EGF: variants seen among roughly 807,000 people sequenced by gnomAD.
The protein encoded by EGF is epidermal growth factor, also known as pro-epidermal growth factor.
Under a neutral mutation model 143.8 loss-of-function variants are expected in EGF, and 95 were observed. That is an observed-to-expected ratio of 0.66 (90% confidence interval 0.56 to 0.78). The LOEUF is 0.78. Ranked by LOEUF, EGF falls within the 30% of genes least tolerant of loss-of-function variation. EGF has a pLI of 0.00. For synonymous variants in EGF, 510 were observed against 510.5 expected (o/e 1.00, Z 0.01); for missense variants, 1,320 against 1,470.9 (o/e 0.90, Z 1.68).
At chr4:110,007,796 A>T (rs773865148) in intron 22 of EGF, among the ~76,000 whole-genome samples, 10 of 152,150 alleles carry the variant, frequency 6.6e-5, no homozygotes, top group African/African-American at 1.2e-4. Flanking sequence ...CATATATTAG[A>T]TATTATTTGC....
At chr4:109,931,546 C>A (rs189736675) in intron 1 of EGF, among the ~76,000 whole-genome samples, 1 of 152,156 alleles carries the variant, frequency 6.6e-6, no homozygotes, top group East Asian at 1.9e-4. Flanking sequence ...CCAAGTCTAC[C>A]ACCTACTAGT....
chr4:109,944,151 A>G, intron 4 of EGF, 82 bp downstream of exon 4: 11 of 1,415,192 alleles, frequency 7.8e-6, no homozygotes, highest in Non-Finnish European at 1.1e-5. Flanking sequence ...TGTCAATGGA[A>G]CTGGTATAGT....
intron 5 of EGF, chr4:109,959,048 T>C: frequency 4.2e-6 from 2 of 474,376 alleles, no homozygotes; most frequent in South Asian, 2.2e-5. Context: ...TAATAAGTAG[T>C]GTTTAGTATT....
intron 15 of EGF, 22 bp downstream of exon 15, chr4:109,980,997 C>A (rs759627635): frequency 6.2e-7 from 1 of 1,613,938 alleles, no homozygotes; most frequent in Non-Finnish European, 8.5e-7. Context: ...AATTATGTGG[C>A]AAATTACCTA....
chr4:109,992,642 G>A (rs1002571475), intron 18 of EGF, among the ~76,000 whole-genome samples: 3 of 152,040 alleles, frequency 2.0e-5, no homozygotes, highest in Non-Finnish European at 4.4e-5. Flanking sequence ...AAAGACACAT[G>A]CACACGTATG....
chr4:110,000,428 CTCTT>C (rs1199222794), intron 21 of EGF, among the ~76,000 whole-genome samples: 1 of 152,064 alleles, frequency 6.6e-6, no homozygotes, highest in Non-Finnish European at 1.5e-5. Flanking sequence ...GCGTTCCACT[CTCTT>C]TGTTTAATAT....
chr4:109,988,986 A>C (rs11569052), intron 18 of EGF, among the ~76,000 whole-genome samples: 3 of 152,126 alleles, frequency 2.0e-5, no homozygotes, highest in Non-Finnish European at 1.5e-5. Flanking sequence ...TTTGAGTGAC[A>C]CCAGTGTCTC....
chr4:109,989,912 C>A (rs1287962063), intron 18 of EGF, among the ~76,000 whole-genome samples: 1 of 152,066 alleles, frequency 6.6e-6, no homozygotes, highest in Admixed American at 6.6e-5. Flanking sequence ...TCTCTCTCCC[C>A]CAGCTCACTC....
chr4:109,998,972 A>T (rs957692945), intron 20 of EGF, among the ~76,000 whole-genome samples: 1 of 152,216 alleles, frequency 6.6e-6, no homozygotes, highest in African/African-American at 2.4e-5. Flanking sequence ...AGATGGCAGC[A>T]TTGCTTCATT....
At chr4:109,941,305 T>G (rs1741887761) in intron 2 of EGF, among the ~76,000 whole-genome samples, 160 bp downstream of exon 2, 1 of 152,222 alleles carries the variant, frequency 6.6e-6, no homozygotes, top group Non-Finnish European at 1.5e-5. Flanking sequence ...GTGGTGTATA[T>G]TCTTGAATAA....
At chr4:109,951,677 A>G (rs1743952287) in intron 5 of EGF, among the ~76,000 whole-genome samples, 1 of 152,224 alleles carries the variant, frequency 6.6e-6, no homozygotes, top group Non-Finnish European at 1.5e-5. Context: ...GTGTAATATT[A>G]TAAATTAAAA....
chr4:109,964,878 A>G (rs1392946853), intron 10 of EGF, among the ~76,000 whole-genome samples: 1 of 152,074 alleles, frequency 6.6e-6, no homozygotes, highest in East Asian at 1.9e-4. Context: ...CAGGTTTTTT[A>G]TTACTTGCTG....
chr4:109,969,161 T>C (rs922273654), intron 11 of EGF, 42 bp downstream of exon 11: 2 of 1,611,534 alleles, frequency 1.2e-6, no homozygotes, highest in African/African-American at 2.7e-5. Context: ...GAGATGGGAG[T>C]GATGGGATAG....
intron 13 of EGF, chr4:109,977,563 G>T (rs1317687446): frequency 6.6e-6 from 1 of 152,130 alleles, no homozygotes; most frequent in Non-Finnish European, 1.5e-5. Context: ...TCCAGGCTGG[G>T]CATGGTGGCT....
intron 1 of EGF, among the ~76,000 whole-genome samples, chr4:109,918,703 C>T (rs942987529): frequency 3.9e-5 from 6 of 152,112 alleles, no homozygotes; most frequent in African/African-American, 1.2e-4. Flanking sequence ...CTTGAAAGAA[C>T]GAGGAAACAA....
chr4:109,984,213 T>A (rs1460982008), intron 16 of EGF, among the ~76,000 whole-genome samples: 4 of 151,868 alleles, frequency 2.6e-5, no homozygotes, highest in Non-Finnish European at 5.9e-5. Context: ...TTTGTTTGTG[T>A]TACTAAGTAA....
At chr4:109,987,383 C>T (rs777791614) in intron 16 of EGF, among the ~76,000 whole-genome samples, 4 of 151,802 alleles carry the variant, frequency 2.6e-5, no homozygotes, top group South Asian at 2.1e-4. Context: ...GTCTCACGGC[C>T]GCATCAACCT....
chr4:109,993,413 C>G (rs768391930), intron 19 of EGF, 44 bp downstream of exon 19: 1 of 1,610,636 alleles, frequency 6.2e-7, no homozygotes, highest in South Asian at 1.1e-5. Context: ...GGACTTGGCT[C>G]GGGGATATTC....
intron 11 of EGF, among the ~76,000 whole-genome samples, chr4:109,970,351 A>G (rs1247266775): frequency 6.6e-6 from 1 of 152,188 alleles, no homozygotes; most frequent in Non-Finnish European, 1.5e-5. Flanking sequence ...AAAGCCAGAA[A>G]GTGAAATGGT....
Sources: allele counts gnomAD v4.1 joint callset (sites outside exome capture counted in the v4.1 genomes callset), GRCh38; gene constraint gnomAD v4.1.1; transcripts MANE v1.5; gene names NCBI Gene and HGNC (gene_info 2026-07-23, HGNC 2026-07-21).